The following CLTCL1 variants were observed in gnomAD, a reference collection of about 807,000 sequenced individuals.
The protein encoded by CLTCL1 is clathrin heavy chain like 1.
A neutral mutation model predicts 190.0 loss-of-function variants in CLTCL1; 159 were observed. The ratio of observed to expected loss-of-function variants is 0.84; its 90% CI spans 0.74 to 0.95. The LOEUF (loss-of-function observed/expected upper bound fraction) is 0.95, where lower values mean the gene tolerates loss of function less well. CLTCL1 is among the 40% of genes least tolerant of loss of function. The probability of loss-of-function intolerance (pLI) is 0.00; values close to 1 mark genes in which losing one functional copy is unlikely to be tolerated. For synonymous variants in CLTCL1, 752 were observed against 769.6 expected (o/e 0.98, Z 0.38); for missense variants, 1,878 against 2,033.4 (o/e 0.92, Z 1.47).
chr22:19,201,144 A>G (rs1286705628), intron 23 of CLTCL1, among the ~76,000 whole-genome samples, 185 bp downstream of exon 23: 1 of 152,278 alleles, frequency 6.6e-6, no homozygotes, highest in East Asian at 1.9e-4. Flanking sequence ...CTGGTTCCAC[A>G]TCAGATTCTC....
chr22:19,240,087 T>C (rs1289118317), intron 4 of CLTCL1, among the ~76,000 whole-genome samples: 1 of 151,746 alleles, frequency 6.6e-6, no homozygotes, highest in Non-Finnish European at 1.5e-5. Context: ...TAGCTGAGAT[T>C]ACAGATTACA....
At chr22:19,189,905 G>A (rs1436458689) in intron 27 of CLTCL1, among the ~76,000 whole-genome samples, 2 of 152,102 alleles carry the variant, frequency 1.3e-5, no homozygotes, top group Admixed American at 1.3e-4. Context: ...CTTTGTGTTG[G>A]GAACATTTCA....
At chr22:19,231,620 A>G (rs1457849235) in intron 10 of CLTCL1, among the ~76,000 whole-genome samples, 1 of 152,046 alleles carries the variant, frequency 6.6e-6, no homozygotes, top group African/African-American at 2.4e-5. Flanking sequence ...TAATTTAAAT[A>G]ATTAATATGC....
chr22:19,208,434 A>G (rs2085117167), intron 21 of CLTCL1, 123 bp from the exon 22 acceptor site: 3 of 1,128,840 alleles, frequency 2.7e-6, no homozygotes, highest in Non-Finnish European at 3.8e-6. Flanking sequence ...CTGGGAACTC[A>G]GACTCCAGAT....
At chr22:19,238,130 G>A (rs947353744) in intron 5 of CLTCL1, among the ~76,000 whole-genome samples, 10 of 151,770 alleles carry the variant, frequency 6.6e-5, no homozygotes, top group East Asian at 3.9e-4. Flanking sequence ...TCCAGGCCGC[G>A]GTGCAGTGGC....
chr22:19,201,299 C>T, intron 23 of CLTCL1, 30 bp downstream of exon 23: 2 of 1,588,260 alleles, frequency 1.3e-6, no homozygotes, highest in Non-Finnish European at 8.6e-7. Context: ...GTCCAGCACA[C>T]TCTGCCGTCT....
At chr22:19,256,710 G>A (rs1555972779) in intron 2 of CLTCL1, among the ~76,000 whole-genome samples, 1 of 151,430 alleles carries the variant, frequency 6.6e-6, no homozygotes, top group African/African-American at 2.4e-5. Context: ...ATGCTGCCCA[G>A]GCTGGTCTCA....
intron 10 of CLTCL1, among the ~76,000 whole-genome samples, chr22:19,231,675 T>G (rs17208749): frequency 0.084 from 12,854 of 152,268 alleles, 914 homozygotes; most frequent in East Asian, 0.4. Context: ...TAATTGTTTT[T>G]GAAGGACAGC....
intron 27 of CLTCL1, among the ~76,000 whole-genome samples, chr22:19,190,596 C>CAAAAAAAAAAAAAAAAAAAAAAAAA (rs55780206): frequency 2.7e-5 from 2 of 72,816 alleles, no homozygotes; most frequent in African/African-American, 5.5e-5. Context: ...AAGACTGTCT[C>CAAAAAAAAAAAAAAAAAAAAAAAAA]AAAAAAAAAA....
chr22:19,201,510 A>G lies in CLTCL1; in HGVS notation c.3601-17T>C. Reference sequence around the variant, plus strand: ...GTCTCCAACCTACGGATAATAGGGTAGCTCGACTGAGACACTCTTCAATGG... The same window carrying G: ...GTCTCCAACCTACGGATAATAGGGTGGCTCGACTGAGACACTCTTCAATGG... On this transcript the variant is annotated splice_polypyrimidine_tract_variant and intron_variant, in intron 22 of 32. Coordinates refer to ENST00000427926, the MANE Select transcript of CLTCL1 (RefSeq NM_007098.4). The G allele has an allele frequency of 6.2e-7, 1 of 1,601,532 alleles. No individual in the cohort carries two copies. The highest frequency in any genetic ancestry group is 8.5e-7 in the Non-Finnish European group (1 of 1,170,796).
intron 29 of CLTCL1, chr22:19,183,907 G>T: frequency 2.2e-6 from 1 of 445,466 alleles, no homozygotes; most frequent in Non-Finnish European, 4.2e-6. Context: ...CTCTGAGGAA[G>T]GCACTGATGG....
rs1232450336 is a variant in CLTCL1, at chr22:19,232,419, ATCT to A, written c.1644+54_1644+56del. The A allele has an allele frequency of 1.7e-5, 28 of 1,602,678 alleles. No individual in the cohort carries two copies. In the South Asian group the frequency reaches 2.7e-4, roughly 15 times the overall value. On this transcript the variant is annotated intron_variant, in intron 10 of 32. Coordinates refer to ENST00000427926, the MANE Select transcript of CLTCL1 (RefSeq NM_007098.4). ...AGTTAACAGGAAACGAATCAAAGAA[ATCT>A]TCTAGATGGCTCTAAAAAGCCACAA...
intron 2 of CLTCL1, chr22:19,257,723 G>A: frequency 8.6e-7 from 1 of 1,162,978 alleles, no homozygotes; most frequent in South Asian, 1.2e-5. Context: ...CCACTGGGAT[G>A]GCCAGGGGTC....
intron 2 of CLTCL1, among the ~76,000 whole-genome samples, chr22:19,256,946 T>C (rs2086780942): frequency 6.6e-6 from 1 of 152,196 alleles, no homozygotes; most frequent in Non-Finnish European, 1.5e-5. Context: ...TATAAAGCTA[T>C]TAATAAAACC....
Position 19,223,195 on chromosome 22 carries a change from A to G in CLTCL1, c.2293-386T>C, listed in dbSNP as rs541941722. 2.5e-3 allele frequency among the ~76,000 whole-genome samples: 383 copies of G among 152,238 alleles called. 2 individuals carry two copies. Among genetic ancestry groups the G allele is most frequent in the Non-Finnish European group, 4.1e-3 (278 of 68,026 alleles). On this transcript the variant is annotated intron_variant, in intron 14 of 32. Coordinates refer to ENST00000427926, the MANE Select transcript of CLTCL1 (RefSeq NM_007098.4). ...GGCCATGGAAACACACCCGGCCACCATTCCCAGATGATGATGGCACTTGGG... is the reference window on the plus strand; with the variant it reads ...GGCCATGGAAACACACCCGGCCACCGTTCCCAGATGATGATGGCACTTGGG...
chr22:19,241,160 G>C (rs782398491), intron 4 of CLTCL1, among the ~76,000 whole-genome samples: 1 of 152,214 alleles, frequency 6.6e-6, no homozygotes, highest in African/African-American at 2.4e-5. Flanking sequence ...TCTCCAGCTC[G>C]GCTGGAGGGG....
At chr22:19,233,668 G>T (rs1555960446) in intron 7 of CLTCL1, 46 bp from the exon 8 acceptor site, 1 of 1,565,062 alleles carries the variant, frequency 6.4e-7, no homozygotes, top group Admixed American at 1.7e-5. Flanking sequence ...AATCACAGGG[G>T]ATCCCTTCAC....
chr22:19,234,655 C>T lies in CLTCL1; in HGVS notation c.1021G>A (p.Val341Met), dbSNP rs1229906228. The part of the protein sequence containing the change: ...EDNIVNYATN[V>M]LQNPDLGLRL... ...AGACCAAGGTCTGGATTCTGAAGCA[C>T]GTTGGTTGCATAATTCACAATGTTA... Residue 341 changes from valine to methionine, a missense_variant, in exon 7 of 33, where the codon GTG (valine) becomes ATG (methionine). Physicochemically the swap from Val to Met is conservative, Grantham distance 21. Transcript: ENST00000427926. 5.6e-6 allele frequency: 9 copies of T among 1,613,890 alleles called. No individual in the cohort carries two copies. Among genetic ancestry groups the T allele is most frequent in the African/African-American group, 1.3e-5 (1 of 74,926 alleles).
chr22:19,206,109 A>G (rs1472640694), intron 22 of CLTCL1, among the ~76,000 whole-genome samples: 1 of 152,126 alleles, frequency 6.6e-6, no homozygotes, highest in African/African-American at 2.4e-5. Flanking sequence ...TATTTTTGGT[A>G]GAGATGGGGT....
Sources: allele counts gnomAD v4.1 joint callset (sites outside exome capture counted in the v4.1 genomes callset), GRCh38; gene constraint gnomAD v4.1.1; transcripts MANE v1.5; gene names NCBI Gene and HGNC (gene_info 2026-07-23, HGNC 2026-07-21).